The following BANK1 variants were observed in gnomAD, a reference collection of about 807,000 sequenced individuals.
BANK1 encodes B cell scaffold protein with ankyrin repeats 1, also known as B-cell scaffold protein with ankyrin repeats.
In BANK1, 95 loss-of-function variants were observed where a neutral mutation model predicts 94.5. That is an observed-to-expected ratio of 1.00 (90% CI 0.85 to 1.19). BANK1 has a LOEUF of 1.19. BANK1 is among the 50% of genes most tolerant of loss of function. The pLI is 0.00. For synonymous variants in BANK1, 334 were observed against 308.4 expected (o/e 1.08, Z -0.87); for missense variants, 987 against 932.2 (o/e 1.06, Z -0.77).
chr4:101,905,336 A>G (rs1007916749), intron 6 of BANK1, among the ~76,000 whole-genome samples: 8 of 151,904 alleles, frequency 5.3e-5, no homozygotes, highest in African/African-American at 1.9e-4. Context: ...CTGTGGCACT[A>G]CCAGCTGTGG....
chr4:101,814,361 G>A (rs1725827249), intron 1 of BANK1, among the ~76,000 whole-genome samples: 2 of 152,130 alleles, frequency 1.3e-5, no homozygotes, highest in Non-Finnish European at 2.9e-5. Context: ...TATGCTTACT[G>A]TCTTTTTTCC....
intron 6 of BANK1, among the ~76,000 whole-genome samples, chr4:101,913,914 A>G (rs1480775153): frequency 6.6e-6 from 1 of 152,186 alleles, no homozygotes; most frequent in Non-Finnish European, 1.5e-5. Context: ...CTCATCATGC[A>G]GGTGCTTTGG....
rs201416654 is a variant in BANK1, at chr4:101,838,475, A to AT, written c.469+8278dup. Among the ~76,000 whole-genome samples, 1,720 of 151,182 alleles carry AT rather than the reference A, an allele frequency of 0.011. 56 individuals are homozygous for AT. In the East Asian group the frequency reaches 0.11, roughly 10 times the overall value. The stretch of plus-strand genomic sequence containing the variant: ...TCCTCTTTATTTTTGCTAAAAGCTG[A>AT]TTTTTTTTTAACATTTCAATTCCAC... On this transcript the variant is annotated intron_variant, in intron 2 of 16. Coordinates refer to ENST00000322953, the MANE Select transcript of BANK1 (RefSeq NM_017935.5).
chr4:101,868,125 G>A (rs902723730), intron 4 of BANK1, among the ~76,000 whole-genome samples: 6 of 152,002 alleles, frequency 3.9e-5, no homozygotes, highest in African/African-American at 1.4e-4. Context: ...AAGGGTTGGA[G>A]CAAGGTAGGT....
chr4:101,798,270 T>G (rs1296401738), intron 1 of BANK1, among the ~76,000 whole-genome samples: 1 of 152,128 alleles, frequency 6.6e-6, no homozygotes, highest in East Asian at 1.9e-4. Flanking sequence ...AATATGGCTG[T>G]CTGATAAGCA....
intron 1 of BANK1, among the ~76,000 whole-genome samples, chr4:101,828,205 T>G (rs900942243): frequency 1.3e-5 from 2 of 151,764 alleles, no homozygotes; most frequent in East Asian, 1.9e-4. Context: ...GTAAATGCCC[T>G]ATTAGACCTG....
intron 5 of BANK1, among the ~76,000 whole-genome samples, chr4:101,888,110 T>C (rs1349190784): frequency 1.3e-5 from 2 of 152,202 alleles, no homozygotes; most frequent in Non-Finnish European, 2.9e-5. Context: ...ACCTTTCTTT[T>C]ACTAGTGAAA....
chr4:101,807,189 T>TTG (rs1312801433), intron 1 of BANK1, among the ~76,000 whole-genome samples: 2 of 152,216 alleles, frequency 1.3e-5, no homozygotes, highest in Non-Finnish European at 2.9e-5. Flanking sequence ...TCAATTTTTG[T>TTG]TATTCTACCT....
chr4:101,960,880 A>G (rs1023166791), intron 7 of BANK1, among the ~76,000 whole-genome samples: 1 of 152,186 alleles, frequency 6.6e-6, no homozygotes, highest in African/African-American at 2.4e-5. Flanking sequence ...CTCTGATTCT[A>G]GGTAAGTCAC....
At chr4:101,889,193 T>A (rs1294593368) in intron 5 of BANK1, among the ~76,000 whole-genome samples, 1 of 152,218 alleles carries the variant, frequency 6.6e-6, no homozygotes. Context: ...CAAACTCATG[T>A]ATGTAGAATT....
intron 10 of BANK1, among the ~76,000 whole-genome samples, chr4:102,043,600 T>C (rs1257342009): frequency 6.6e-6 from 1 of 152,066 alleles, no homozygotes; most frequent in Non-Finnish European, 1.5e-5. Flanking sequence ...AATAGTTTAA[T>C]GAGGCATTGC....
intron 5 of BANK1, among the ~76,000 whole-genome samples, chr4:101,893,388 A>G (rs1469401823): frequency 6.6e-6 from 1 of 151,892 alleles, no homozygotes; most frequent in Non-Finnish European, 1.5e-5. Flanking sequence ...ATCTCTACCC[A>G]CTAGATTTTG....
intron 2 of BANK1, among the ~76,000 whole-genome samples, chr4:101,851,462 G>A (rs1045218364): frequency 1.3e-5 from 2 of 152,166 alleles, no homozygotes; most frequent in Non-Finnish European, 2.9e-5. Context: ...GAGATATAGA[G>A]GTGTCAAGTT....
intron 9 of BANK1, 71 bp from the exon 10 acceptor site, chr4:102,029,889 A>G: frequency 6.8e-7 from 1 of 1,465,324 alleles, no homozygotes; most frequent in South Asian, 1.4e-5. Context: ...AGCTCAAAAA[A>G]GTGACAGATG....
At chr4:101,995,852 G>A (rs1373610228) in intron 7 of BANK1, among the ~76,000 whole-genome samples, 3 of 152,072 alleles carry the variant, frequency 2.0e-5, no homozygotes, top group Non-Finnish European at 2.9e-5. Context: ...TTAGCCCTTT[G>A]TCAGATGGAT....
At chr4:101,886,031 G>A (rs912710768) in intron 5 of BANK1, among the ~76,000 whole-genome samples, 1 of 152,104 alleles carries the variant, frequency 6.6e-6, no homozygotes, top group Non-Finnish European at 1.5e-5. Context: ...GCATCCATAG[G>A]CAGCTCTGTT....
intron 7 of BANK1, among the ~76,000 whole-genome samples, chr4:101,950,418 A>G (rs1724109355): frequency 6.6e-6 from 1 of 152,160 alleles, no homozygotes; most frequent in Admixed American, 6.6e-5. Context: ...AAGAGAACTA[A>G]GATCTAAATG....
chr4:102,039,541 C>A (rs1727638984), intron 10 of BANK1, among the ~76,000 whole-genome samples: 1 of 152,008 alleles, frequency 6.6e-6, no homozygotes, highest in Admixed American at 6.6e-5. Context: ...AATTGGGAAG[C>A]TGGGGGAAAC....
intron 5 of BANK1, 90 bp from the exon 6 acceptor site, chr4:101,895,215 C>A: frequency 1.6e-6 from 1 of 629,202 alleles, no homozygotes; most frequent in African/African-American, 1.9e-5. Context: ...TTGTTTACTC[C>A]AGTTAATAAA....
Sources: allele counts gnomAD v4.1 joint callset (sites outside exome capture counted in the v4.1 genomes callset), GRCh38; gene constraint gnomAD v4.1.1; transcripts MANE v1.5; gene names NCBI Gene and HGNC (gene_info 2026-07-23, HGNC 2026-07-21).